Variants in ZNF385B observed in about 807,000 individuals in gnomAD.
ZNF385B encodes zinc finger protein 533.
Under a neutral mutation model 39.2 loss-of-function variants are expected in ZNF385B, and 23 were observed. That is an observed-to-expected ratio of 0.59 (90% CI 0.42 to 0.83). ZNF385B has a LOEUF of 0.83. ZNF385B is among the 40% of genes least tolerant of loss of function. The pLI is 0.00. For synonymous variants in ZNF385B, 205 were observed against 222.6 expected, an observed-to-expected ratio of 0.92 and a Z score of 0.70; for missense variants, 552 against 598.9, an observed-to-expected ratio of 0.92 and a Z score of 0.82.
chr2:179,466,715 A>G (rs1428450257), intron 6 of ZNF385B, among the ~76,000 whole-genome samples: 1 of 151,594 alleles, frequency 6.6e-6, no homozygotes, highest in Non-Finnish European at 1.5e-5. Context: ...GAGGTCAGGA[A>G]TTCAAGACTA....
chr2:179,716,123 T>C (rs993879941), intron 3 of ZNF385B, among the ~76,000 whole-genome samples: 4 of 152,202 alleles, frequency 2.6e-5, no homozygotes, highest in African/African-American at 7.2e-5. Flanking sequence ...TTTGAGGAGT[T>C]GCATTTGGAG....
intron 1 of ZNF385B, among the ~76,000 whole-genome samples, chr2:179,836,419 A>G (rs1708246979): frequency 6.6e-6 from 1 of 152,228 alleles, no homozygotes. Flanking sequence ...CAATAAAATA[A>G]AAATGTAAAA....
At chr2:179,566,816 A>G (rs1684631732) in intron 3 of ZNF385B, among the ~76,000 whole-genome samples, 1 of 152,082 alleles carries the variant, frequency 6.6e-6, no homozygotes, top group Non-Finnish European at 1.5e-5. Flanking sequence ...CAAATGCATA[A>G]TGACTTGTTG....
At chr2:179,567,126 G>T (rs1028991520) in intron 3 of ZNF385B, among the ~76,000 whole-genome samples, 1 of 152,050 alleles carries the variant, frequency 6.6e-6, no homozygotes, top group African/African-American at 2.4e-5. Flanking sequence ...TGTTGGCCAG[G>T]CTGGTCTCGA....
At chr2:179,763,834 A>G (rs62180385) in intron 3 of ZNF385B, among the ~76,000 whole-genome samples, 7,417 of 152,242 alleles carry the variant, frequency 0.049, 256 homozygotes, top group Middle Eastern at 0.099. Flanking sequence ...AAAATATTGT[A>G]TATGATTACA....
At chr2:179,673,155 G>A (rs1029804195) in intron 3 of ZNF385B, among the ~76,000 whole-genome samples, 1 of 151,972 alleles carries the variant, frequency 6.6e-6, no homozygotes, top group African/African-American at 2.4e-5. Flanking sequence ...TATCTTCCTG[G>A]TCCAAGAAAC....
intron 3 of ZNF385B, among the ~76,000 whole-genome samples, chr2:179,670,184 C>A (rs1034897030): frequency 6.7e-6 from 1 of 149,262 alleles, no homozygotes; most frequent in African/African-American, 2.5e-5. Context: ...CCCAGCTACT[C>A]GGGAGGCTGA....
At chr2:179,459,619 G>C (rs554029611) in intron 6 of ZNF385B, among the ~76,000 whole-genome samples, 2 of 138,574 alleles carry the variant, frequency 1.4e-5, no homozygotes, top group African/African-American at 6.2e-5. Flanking sequence ...GTGTGTGTAT[G>C]TGTGTGTGGA....
At chr2:179,821,204 C>T (rs1260845740) in intron 1 of ZNF385B, among the ~76,000 whole-genome samples, 2 of 152,180 alleles carry the variant, frequency 1.3e-5, no homozygotes, top group African/African-American at 2.4e-5. Context: ...TGTTGCCATG[C>T]CCTCCTCTCT....
At chr2:179,687,279 C>T (rs1018027561) in intron 3 of ZNF385B, among the ~76,000 whole-genome samples, 6 of 151,472 alleles carry the variant, frequency 4.0e-5, no homozygotes, top group African/African-American at 1.5e-4. Context: ...AATCTTCAAC[C>T]TCTTCCAAAT....
intron 3 of ZNF385B, among the ~76,000 whole-genome samples, chr2:179,560,956 C>A (rs1431612083): frequency 1.3e-5 from 2 of 152,156 alleles, no homozygotes; most frequent in African/African-American, 2.4e-5. Flanking sequence ...TTATTACGTG[C>A]TCCCACGACG....
At chr2:179,699,913 A>T (rs963616239) in intron 3 of ZNF385B, among the ~76,000 whole-genome samples, 4 of 152,214 alleles carry the variant, frequency 2.6e-5, no homozygotes, top group Non-Finnish European at 5.9e-5. Flanking sequence ...ATTGTTATAC[A>T]ATCATCGACA....
chr2:179,603,750 G>T (rs1262100340), intron 3 of ZNF385B, among the ~76,000 whole-genome samples: 5 of 152,156 alleles, frequency 3.3e-5, no homozygotes, highest in Non-Finnish European at 7.3e-5. Context: ...AGTCACTGAT[G>T]AAAATAGGAC....
intron 3 of ZNF385B, among the ~76,000 whole-genome samples, chr2:179,618,392 C>G (rs1457911377): frequency 1.3e-5 from 2 of 152,146 alleles, no homozygotes; most frequent in Non-Finnish European, 2.9e-5. Flanking sequence ...GTCACTCTTT[C>G]CTGTTTATTC....
At chr2:179,516,040 A>G (rs1240985060) in intron 5 of ZNF385B, among the ~76,000 whole-genome samples, 1 of 152,184 alleles carries the variant, frequency 6.6e-6, no homozygotes, top group Non-Finnish European at 1.5e-5. Flanking sequence ...TTTGTGTCTT[A>G]CTTCTCTCAC....
At chr2:179,509,825 C>T (rs922522591) in intron 5 of ZNF385B, among the ~76,000 whole-genome samples, 1 of 152,170 alleles carries the variant, frequency 6.6e-6, no homozygotes, top group South Asian at 2.1e-4. Context: ...AACTTTGCAA[C>T]TAGCTTTTTG....
Position 179,735,987 on chromosome 2 carries a change from C to G in ZNF385B, c.298+33516G>C, listed in dbSNP as rs536172137. On this transcript the variant is annotated intron_variant, in intron 3 of 9. Transcript: ENST00000410066. ...GCATGGCACATGTACACGTATGTAA[C>G]CTGCACAATGTGCACATGTACCCTA... is the stretch of plus-strand genomic sequence containing the variant. Among the ~76,000 whole-genome samples, 8 of 151,128 alleles carry G rather than the reference C, an allele frequency of 5.3e-5. No homozygotes were observed. The South Asian group carries it at 1.7e-3, about 32-fold the overall frequency.
chr2:179,760,849 C>T (rs781547065), intron 3 of ZNF385B, among the ~76,000 whole-genome samples: 1 of 152,136 alleles, frequency 6.6e-6, no homozygotes, highest in Non-Finnish European at 1.5e-5. Context: ...GGGCAGCCAC[C>T]AGAAGTTTTA....
chr2:179,743,300 A>C (rs1469793657), intron 3 of ZNF385B, among the ~76,000 whole-genome samples: 1 of 152,038 alleles, frequency 6.6e-6, no homozygotes, highest in African/African-American at 2.4e-5. Flanking sequence ...TTGTGACATA[A>C]CATTCCCAAA....
Sources: gnomAD v4.1 joint callset for allele counts (sites outside exome capture counted in the v4.1 genomes callset) on GRCh38, gnomAD v4.1.1 for gene constraint, MANE v1.5 for transcripts, NCBI Gene and HGNC (gene_info 2026-07-23, HGNC 2026-07-21) for gene names.